Variants in USP15 observed in about 807,000 individuals in gnomAD.
USP15 encodes the protein ubiquitin specific peptidase 15, also known as ubiquitin carboxyl-terminal hydrolase 15.
In USP15, 18 loss-of-function variants were observed where a neutral mutation model predicts 127.1. The ratio of observed to expected loss-of-function variants is 0.14; its 90% CI spans 0.10 to 0.21. The LOEUF (loss-of-function observed/expected upper bound fraction) is 0.21. USP15 is among the 10% of genes least tolerant of loss of function. The pLI is 1.00. For synonymous variants in USP15, 364 were observed against 393.7 expected (o/e 0.92, Z 0.89); for missense variants, 805 against 1,159.9 (o/e 0.69, Z 4.44).
At chr12:62,326,701 A>C (rs1315224871) in intron 6 of USP15, among the ~76,000 whole-genome samples, 1 of 152,190 alleles carries the variant, frequency 6.6e-6, no homozygotes, top group Non-Finnish European at 1.5e-5. Flanking sequence ...GGAGCTTTGG[A>C]ATTTCACATG....
intron 1 of USP15, among the ~76,000 whole-genome samples, chr12:62,264,095 C>T (rs2063139246): frequency 6.6e-6 from 1 of 152,140 alleles, no homozygotes; most frequent in Admixed American, 6.5e-5. Context: ...AGTGATCCTC[C>T]CACCTCAGCC....
At chr12:62,355,302 C>T in intron 7 of USP15, 29 bp from the exon 8 acceptor site, 1 of 1,559,460 alleles carries the variant, frequency 6.4e-7, no homozygotes, top group Non-Finnish European at 8.7e-7. Context: ...ATATAATTGG[C>T]TGCATTATGA....
At position 62,409,431 on chromosome 12, in the gene USP15, G is replaced by A. The variant is rs1354085383; in HGVS notation, c.*5056G>A. 6.6e-6 allele frequency: 1 copy of A among 152,010 alleles called. No individual in the cohort carries two copies. The highest frequency in any genetic ancestry group is 1.5e-5 in the Non-Finnish European group (1 of 67,958). 9.4% of individuals were successfully genotyped at this position (152,010 alleles called of 1,614,324 possible). ...AGCTAAAAATACAACTATCTCTCTG[G>A]AATTGAAAATGTGTAAAATAAGACC... On this transcript the variant is annotated 3_prime_UTR_variant, in exon 22 of 22. Coordinates refer to ENST00000280377, the MANE Select transcript of USP15 (RefSeq NM_001252078.2).
rs1325602044 is a variant in USP15, at chr12:62,410,037, T to A, written c.*5662T>A. 6.6e-6 allele frequency: 1 copy of A among 152,184 alleles called. No homozygotes were observed. The highest frequency in any genetic ancestry group is 2.4e-5 in the African/African-American group (1 of 41,464). 9.4% of individuals were successfully genotyped at this position (152,184 alleles called of 1,614,324 possible). A position where few individuals can be genotyped will look rare whatever the true frequency, so the allele number is the denominator to read the frequency against. On this transcript the variant is annotated 3_prime_UTR_variant, in exon 22 of 22. Transcript: ENST00000280377. ...TAGACTAATGTATTAAAGTGTTCAC[T>A]TATGTCTAGTCATATGCATACCTAC... is the stretch of plus-strand genomic sequence containing the variant.
chr12:62,363,499 C>G (rs969317256), intron 8 of USP15, among the ~76,000 whole-genome samples: 2 of 152,118 alleles, frequency 1.3e-5, no homozygotes, highest in African/African-American at 4.8e-5. Context: ...TATTCTTGCA[C>G]TCTCACTTCC....
Position 62,321,496 on chromosome 12 carries a change from A to C in USP15, c.508A>C (p.Ser170Arg). The C allele has an allele frequency of 6.3e-7, 1 of 1,599,838 alleles. No homozygotes were observed. Among genetic ancestry groups the C allele is most frequent in the Non-Finnish European group, 8.5e-7 (1 of 1,171,800 alleles). ...TIEKEIRKIF[S>R]IPDEKETRLW... The stretch of plus-strand genomic sequence containing the variant: ...TGAAAAGGAAATAAGAAAAATCTTC[A>C]GTATTCCAGATGAAAAGGAGACCAG... The change falls in exon 5 of 22, where the codon AGT becomes CGT. Residue 170 changes from serine to arginine, a missense_variant. Around this residue, in one of 11 missense-constraint regions of USP15, gnomAD observed 57 missense variants for 47.3 expected, o/e 1.20. Coordinates refer to ENST00000280377, the MANE Select transcript of USP15 (RefSeq NM_001252078.2).
At chr12:62,327,505 A>G (rs568516697) in intron 6 of USP15, among the ~76,000 whole-genome samples, 4 of 152,260 alleles carry the variant, frequency 2.6e-5, no homozygotes, top group Admixed American at 6.5e-5. Context: ...TGTACTTGCT[A>G]TATCTTTAAG....
chr12:62,321,974 C>T (rs1322796845), intron 5 of USP15, among the ~76,000 whole-genome samples: 1 of 152,170 alleles, frequency 6.6e-6, no homozygotes, highest in African/African-American at 2.4e-5. Flanking sequence ...GCATCTAAAA[C>T]ATTGCCATTG....
chr12:62,290,801 C>A (rs2063942141), intron 1 of USP15, among the ~76,000 whole-genome samples: 1 of 152,148 alleles, frequency 6.6e-6, no homozygotes, highest in African/African-American at 2.4e-5. Context: ...TAGAGCCAGT[C>A]TAGTGATGAC....
chr12:62,336,303 T>A, intron 6 of USP15: 1 of 985,412 alleles, frequency 1.0e-6, no homozygotes, highest in South Asian at 4.7e-5. Flanking sequence ...CACCTCAAAT[T>A]AAACCAAATC....
At chr12:62,394,366 A>G (rs184575090) in intron 19 of USP15, among the ~76,000 whole-genome samples, 4 of 152,358 alleles carry the variant, frequency 2.6e-5, no homozygotes, top group Admixed American at 1.3e-4. Flanking sequence ...GTGTATCTAT[A>G]AAGGTAACTA....
At chr12:62,268,129 G>C (rs1172060818) in intron 1 of USP15, among the ~76,000 whole-genome samples, 1 of 151,852 alleles carries the variant, frequency 6.6e-6, no homozygotes, top group Non-Finnish European at 1.5e-5. Context: ...CTAGATACAG[G>C]TTCCATATAT....
chr12:62,370,584 A>G (rs942438833), intron 8 of USP15, among the ~76,000 whole-genome samples: 7 of 152,210 alleles, frequency 4.6e-5, no homozygotes, highest in African/African-American at 1.7e-4. Flanking sequence ...ACATGTAAAC[A>G]TATAAAAATA....
intron 8 of USP15, among the ~76,000 whole-genome samples, chr12:62,372,796 G>A (rs1049990074): frequency 1.3e-5 from 2 of 151,882 alleles, no homozygotes; most frequent in African/African-American, 2.4e-5. Context: ...AGGAAATAAC[G>A]TAATTTAACA....
chr12:62,329,421 A>G (rs1471510586), intron 6 of USP15, among the ~76,000 whole-genome samples: 1 of 152,202 alleles, frequency 6.6e-6, no homozygotes, highest in Non-Finnish European at 1.5e-5. Context: ...GAGAATAACT[A>G]CATCATAGGG....
At chr12:62,289,400 C>T (rs148670410) in intron 1 of USP15, among the ~76,000 whole-genome samples, 2 of 152,048 alleles carry the variant, frequency 1.3e-5, no homozygotes, top group African/African-American at 4.8e-5. Context: ...TGTAGTGATG[C>T]TCATAGTAGT....
chr12:62,391,015 C>T, intron 15 of USP15, 36 bp downstream of exon 15: 2 of 1,577,490 alleles, frequency 1.3e-6, no homozygotes, highest in Non-Finnish European at 1.7e-6. Flanking sequence ...AAATGTTTCA[C>T]TTAGATAATT....
At chr12:62,366,455 G>A (rs1178839005) in intron 8 of USP15, among the ~76,000 whole-genome samples, 2 of 152,182 alleles carry the variant, frequency 1.3e-5, no homozygotes, top group African/African-American at 4.8e-5. Context: ...TTAGGGCTGA[G>A]ACGATGGGGT....
At chr12:62,391,479 ATT>A in intron 16 of USP15, 50 bp downstream of exon 16, 1 of 1,369,796 alleles carries the variant, frequency 7.3e-7, no homozygotes, top group Admixed American at 2.5e-5. Context: ...CGAGCATGTT[ATT>A]TTTTTTTTAG....
Sources: gnomAD v4.1 joint callset for allele counts (sites outside exome capture counted in the v4.1 genomes callset) on GRCh38, gnomAD v4.1.1 for gene constraint, gnomAD v4.1.1 regional missense constraint, MANE v1.5 for transcripts, NCBI Gene and HGNC (gene_info 2026-07-23, HGNC 2026-07-21) for gene names.